The following BCAS1 variants were observed in gnomAD, a reference collection of about 807,000 sequenced individuals.
The protein encoded by BCAS1 is breast carcinoma-amplified sequence 1.
Under a neutral mutation model 65.4 loss-of-function variants are expected in BCAS1, and 46 were observed. The observed-to-expected ratio is 0.70, with a 90% CI of 0.55 to 0.90. BCAS1 has a LOEUF of 0.90. Ranked by LOEUF, BCAS1 falls within the 40% of genes least tolerant of loss-of-function variation. The probability of loss-of-function intolerance (pLI) is 0.00; values close to 1 mark genes in which losing one functional copy is unlikely to be tolerated. For missense variants in BCAS1, 793 were observed against 771.2 expected, an observed-to-expected ratio of 1.03 and a Z score of -0.33; for synonymous variants, 298 against 293.5, an observed-to-expected ratio of 1.02 and a Z score of -0.16.
chr20:54,034,397 C>A (rs1177725051), intron 3 of BCAS1, among the ~76,000 whole-genome samples: 3 of 151,238 alleles, frequency 2.0e-5, no homozygotes, highest in African/African-American at 7.3e-5. Context: ...TAGTCTCAGC[C>A]CCAAAGCTTC....
intron 3 of BCAS1, 50 bp downstream of exon 3, chr20:54,058,035 A>AC (rs1169442121): frequency 1.5e-6 from 2 of 1,348,982 alleles, no homozygotes; most frequent in African/African-American, 1.5e-5. Flanking sequence ...GCATCTGCAG[A>AC]CCCCCCTTCC....
chr20:54,005,002 T>C (rs888340623), intron 4 of BCAS1, among the ~76,000 whole-genome samples: 1 of 152,232 alleles, frequency 6.6e-6, no homozygotes, highest in Non-Finnish European at 1.5e-5. Context: ...GAGGAAGCAT[T>C]CAGTAATGGT....
At position 53,970,293 on chromosome 20, in the gene BCAS1, ATAG is replaced by A. The variant is rs2090146466; in HGVS notation, c.1318-3223_1318-3221del. Among the ~76,000 whole-genome samples, 2 of 152,202 alleles carry A rather than the reference ATAG, an allele frequency of 1.3e-5. 1 individual carries two copies. The highest frequency in any genetic ancestry group is 4.2e-4 in the South Asian group (2 of 4,818). ...CAACTATTGCAGTAGGTAAAAAAAT[ATAG>A]TACTTCTGGAGACTTCCACTACCTT... is the stretch of plus-strand genomic sequence containing the variant. On this transcript the variant is annotated intron_variant, in intron 9 of 12. Coordinates refer to ENST00000688948, the MANE Select transcript of BCAS1 (RefSeq NM_001366298.2).
rs1235672659 is a variant in BCAS1 at position 53,960,495 on chromosome 20, AAG to A, written c.1486-3000_1486-2999del. ...AAAAAAAAAAAAAAAAAAAAAAAAA[AAG>A]AGAGAGAGAGTATCTCAAACTTTTC... On this transcript the variant is annotated intron_variant, in intron 10 of 12. Coordinates refer to ENST00000688948, the MANE Select transcript of BCAS1 (RefSeq NM_001366298.2). Among the ~76,000 whole-genome samples the A allele has an allele frequency of 2.9e-4, 24 of 82,318 alleles. 2 individuals are homozygous for A. Among genetic ancestry groups the A allele is most frequent in the African/African-American group, 1.8e-3 (22 of 12,518 alleles). 54.0% of individuals were successfully genotyped at this position (82,318 alleles called of 152,430 possible).
rs1601030003 is a variant in BCAS1, at chr20:54,058,782, G to A, written c.-5-59C>T. 3.8e-6 allele frequency: 6 copies of A among 1,594,268 alleles called. No individual in the cohort carries two copies. In the East Asian group the frequency reaches 1.3e-4, roughly 36 times the overall value. On this transcript the variant is annotated intron_variant, in intron 1 of 12. Coordinates refer to ENST00000688948, the MANE Select transcript of BCAS1 (RefSeq NM_001366298.2). ...AAATCAAAACCAAACGAAGCTACAT[G>A]TGCTACTAAGGTGCAGAGGCCTGAC...
chr20:54,058,651 T>TA lies in BCAS1; in HGVS notation c.67dup (p.Tyr23LeufsTer36), dbSNP rs1364650174. ...CTGTAATGGTTACTACACTACCTGG[T>TA]AAGTCTCTGCTTCTGGTTCATTCTC... On this transcript the variant is annotated frameshift_variant, in exon 2 of 13. Coordinates refer to ENST00000688948, the MANE Select transcript of BCAS1 (RefSeq NM_001366298.2). LOFTEE classifies it high-confidence loss of function. 6.3e-7 allele frequency: 1 copy of TA among 1,594,592 alleles called. No homozygotes were observed. The highest frequency in any genetic ancestry group is 1.4e-5 in the African/African-American group (1 of 74,020).
intron 4 of BCAS1, among the ~76,000 whole-genome samples, chr20:53,996,613 G>C (rs567082254): frequency 1.3e-5 from 2 of 152,114 alleles, no homozygotes; most frequent in Non-Finnish European, 2.9e-5. Context: ...GGTAGGATGC[G>C]TTCTGAATCT....
chr20:53,975,315 G>A (rs1185931336), intron 9 of BCAS1, 74 bp downstream of exon 9: 3 of 1,373,000 alleles, frequency 2.2e-6, no homozygotes, highest in East Asian at 4.6e-5. Flanking sequence ...GGACCCCAGA[G>A]CTGAAAATGC....
In BCAS1 at chr20:54,041,908, C is replaced by CAAAAAAAAAAAAAAAAAAAAA. The variant is rs1391284796; in HGVS notation, c.143-12937_143-12936insTTTTTTTTTTTTTTTTTTTTT. 1.4e-3 allele frequency among the ~76,000 whole-genome samples: 97 copies of CAAAAAAAAAAAAAAAAAAAAA among 67,316 alleles called. 19 individuals are homozygous for CAAAAAAAAAAAAAAAAAAAAA. The highest frequency in any genetic ancestry group is 3.7e-3 in the South Asian group (5 of 1,334). 44.2% of individuals were successfully genotyped at this position (67,316 alleles called of 152,430 possible). Reference sequence around the variant, plus strand: ...AGTTCAGAGTGAGACTCTGTCTCCCCCAAAAAAAAAAAAAAAAAAAAAAGA... The same window carrying CAAAAAAAAAAAAAAAAAAAAA: ...AGTTCAGAGTGAGACTCTGTCTCCCCAAAAAAAAAAAAAAAAAAAAACAAAAAAAAAAAAAAAAAAAAAAGA... On this transcript the variant is annotated intron_variant, in intron 3 of 12. Coordinates refer to ENST00000688948, the MANE Select transcript of BCAS1 (RefSeq NM_001366298.2).
intron 4 of BCAS1, among the ~76,000 whole-genome samples, chr20:54,026,278 A>G (rs184073065): frequency 6.6e-6 from 1 of 152,252 alleles, no homozygotes; most frequent in East Asian, 1.9e-4. Context: ...TTCTGACTCA[A>G]ATCTCATTTT....
rs552284079 is a variant in BCAS1 at position 54,038,305 on chromosome 20, A to T, written c.143-9333T>A. Among the ~76,000 whole-genome samples the T allele has an allele frequency of 4.0e-5, 6 of 150,892 alleles. No individual in the cohort carries two copies. In the East Asian group the frequency reaches 1.2e-3, roughly 29 times the overall value. ...CTGCTTACTCCTGTTTATTCTCTAG[A>T]CTCCACAGAGGATTCATCACTCTCT... On this transcript the variant is annotated intron_variant, in intron 3 of 12. Coordinates refer to ENST00000688948, the MANE Select transcript of BCAS1 (RefSeq NM_001366298.2).
Position 54,033,873 on chromosome 20 carries a change from T to C in BCAS1, c.143-4901A>G, listed in dbSNP as rs191677978. Among the ~76,000 whole-genome samples, 34 of 151,468 alleles carry C rather than the reference T, an allele frequency of 2.2e-4. No individual in the cohort carries two copies. In the East Asian group the frequency reaches 6.0e-3, roughly 27 times the overall value. ...AAAAGCTTCAGGCCAATATCCTTGA[T>C]GAACTTCAATGCAAAAATCCTCAAT... On this transcript the variant is annotated intron_variant, in intron 3 of 12. Coordinates refer to ENST00000688948, the MANE Select transcript of BCAS1 (RefSeq NM_001366298.2).
intron 12 of BCAS1, among the ~76,000 whole-genome samples, chr20:53,949,416 C>G (rs2089442720): frequency 6.6e-6 from 1 of 152,158 alleles, no homozygotes; most frequent in Admixed American, 6.5e-5. Flanking sequence ...AAAAAAGGAC[C>G]TGACTAACGA....
At chr20:54,039,463 C>A (rs1437284018) in intron 3 of BCAS1, among the ~76,000 whole-genome samples, 6 of 151,338 alleles carry the variant, frequency 4.0e-5, no homozygotes, top group African/African-American at 1.5e-4. Flanking sequence ...TACCCCCATG[C>A]TCTTCAGAAA....
At position 54,046,618 on chromosome 20, in the gene BCAS1, C is replaced by T. The variant is rs570992933; in HGVS notation, c.142+11467G>A. 2.7e-5 allele frequency among the ~76,000 whole-genome samples: 4 copies of T among 150,012 alleles called. No homozygotes were observed. The South Asian group carries it at 8.4e-4, about 32-fold the overall frequency. The stretch of plus-strand genomic sequence containing the variant: ...TAGCACTTTGGGAGGCTGAGATGGG[C>T]AGATCACCTGAAGTCAAGGAGTTCC... On this transcript the variant is annotated intron_variant, in intron 3 of 12. Coordinates refer to ENST00000688948, the MANE Select transcript of BCAS1 (RefSeq NM_001366298.2).
chr20:53,972,860 G>T (rs947176557), intron 9 of BCAS1, among the ~76,000 whole-genome samples: 1 of 152,172 alleles, frequency 6.6e-6, no homozygotes, highest in African/African-American at 2.4e-5. Context: ...GGCTCAAGAG[G>T]TGTGGCCTGA....
At chr20:54,039,497 T>C (rs1464349102) in intron 3 of BCAS1, among the ~76,000 whole-genome samples, 1 of 151,310 alleles carries the variant, frequency 6.6e-6, no homozygotes, top group African/African-American at 2.4e-5. Context: ...GCAACAGTGA[T>C]GATCAGATAC....
At chr20:54,024,549 T>C (rs2091629809) in intron 4 of BCAS1, among the ~76,000 whole-genome samples, 1 of 152,218 alleles carries the variant, frequency 6.6e-6, no homozygotes, top group East Asian at 1.9e-4. Flanking sequence ...TTGGAACTTG[T>C]CAACCCATAG....
chr20:53,975,380 G>A lies in BCAS1; in HGVS notation c.1317+9C>T. 3.1e-6 allele frequency: 5 copies of A among 1,610,314 alleles called. No individual in the cohort carries two copies. Among genetic ancestry groups the A allele is most frequent in the Non-Finnish European group, 4.2e-6 (5 of 1,176,998 alleles). ...ATGGAATGATTCTGCCGTGGTGTGT[G>A]TAACTTACATTCTCCTCCGCACCTG... On this transcript the variant is annotated intron_variant, in intron 9 of 12. Coordinates refer to ENST00000688948, the MANE Select transcript of BCAS1 (RefSeq NM_001366298.2).
Sources: gnomAD v4.1 joint callset for allele counts (sites outside exome capture counted in the v4.1 genomes callset) on GRCh38, gnomAD v4.1.1 for gene constraint, MANE v1.5 for transcripts, NCBI Gene and HGNC (gene_info 2026-07-23, HGNC 2026-07-21) for gene names.